NR1H4: variants seen among roughly 807,000 people sequenced by gnomAD.
NR1H4 encodes bile acid receptor.
Under a neutral mutation model 58.5 loss-of-function variants are expected in NR1H4, and 23 were observed. The ratio of observed to expected loss-of-function variants is 0.39; its 90% CI spans 0.28 to 0.56. The LOEUF (loss-of-function observed/expected upper bound fraction) is 0.56. Among genes scored for constraint, NR1H4 ranks in the 20% least tolerant of loss-of-function variants. The pLI is 0.58. For synonymous variants in NR1H4, 214 were observed against 198.0 expected (o/e 1.08, Z -0.68); for missense variants, 487 against 576.9 (o/e 0.84, Z 1.60).
chr12:100,503,495 A>G, intron 3 of NR1H4: 1 of 1,594,124 alleles, frequency 6.3e-7, no homozygotes, highest in Non-Finnish European at 8.5e-7. Context: ...AGCCCGCGAA[A>G]GGTAGGACAC....
rs1954556961 is a variant in NR1H4, at chr12:100,526,335, T to G, written c.446-6123T>G. ...CTCTGTAAACACTGCTTTTGTCACA[T>G]CCCATAAATTTTGATAAATTGTATT... On this transcript the variant is annotated intron_variant, in intron 4 of 10. Coordinates refer to ENST00000392986, the MANE Select transcript of NR1H4 (RefSeq NM_001206979.2). Among the ~76,000 whole-genome samples, 3 of 152,178 alleles carry G rather than the reference T, an allele frequency of 2.0e-5. No homozygotes were observed. The South Asian group carries it at 6.2e-4, about 32-fold the overall frequency.
chr12:100,516,926 G>A (rs998518627), intron 4 of NR1H4, among the ~76,000 whole-genome samples: 2 of 151,974 alleles, frequency 1.3e-5, no homozygotes, highest in African/African-American at 4.8e-5. Flanking sequence ...CATAATAATT[G>A]TACATGTTTA....
intron 1 of NR1H4, among the ~76,000 whole-genome samples, chr12:100,480,690 A>G (rs1953360465): frequency 6.6e-6 from 1 of 152,150 alleles, no homozygotes; most frequent in South Asian, 2.1e-4. Flanking sequence ...TGATTTCTAT[A>G]CCAGTCATTT....
intron 4 of NR1H4, among the ~76,000 whole-genome samples, chr12:100,518,944 T>C (rs1234460976): frequency 6.6e-6 from 1 of 151,986 alleles, no homozygotes; most frequent in Admixed American, 6.6e-5. Context: ...CCAGCCACCA[T>C]GCCCAGCTAA....
At chr12:100,561,660 A>G (rs1955477692) in intron 9 of NR1H4, among the ~76,000 whole-genome samples, 1 of 152,236 alleles carries the variant, frequency 6.6e-6, no homozygotes. Flanking sequence ...AAAATTAGAC[A>G]TACACTCATT....
At chr12:100,490,395 G>C (rs1953581473) in intron 1 of NR1H4, among the ~76,000 whole-genome samples, 1 of 152,196 alleles carries the variant, frequency 6.6e-6, no homozygotes, top group Non-Finnish European at 1.5e-5. Context: ...CCTGAAGTCA[G>C]AGTCACAGAG....
At chr12:100,495,522 G>C (rs1239206666) in intron 3 of NR1H4, among the ~76,000 whole-genome samples, 1 of 152,022 alleles carries the variant, frequency 6.6e-6, no homozygotes, top group African/African-American at 2.4e-5. Context: ...CACGAGGTCA[G>C]GAGATCAAGA....
intron 1 of NR1H4, among the ~76,000 whole-genome samples, chr12:100,476,935 AT>A (rs1189304463): frequency 1.3e-5 from 2 of 152,070 alleles, no homozygotes; most frequent in Non-Finnish European, 2.9e-5. Flanking sequence ...CCTCCCAGGT[AT>A]TTTTTTATTG....
chr12:100,480,024 A>G (rs1356839769), intron 1 of NR1H4, among the ~76,000 whole-genome samples: 1 of 152,152 alleles, frequency 6.6e-6, no homozygotes, highest in Non-Finnish European at 1.5e-5. Context: ...CAGAAATCCT[A>G]TTATTTGTTG....
chr12:100,518,948 C>G (rs1954339338), intron 4 of NR1H4, among the ~76,000 whole-genome samples: 1 of 151,964 alleles, frequency 6.6e-6, no homozygotes, highest in African/African-American at 2.4e-5. Flanking sequence ...CCACCATGCC[C>G]AGCTAATTTT....
intron 8 of NR1H4, among the ~76,000 whole-genome samples, 171 bp from the exon 9 acceptor site, chr12:100,540,501 A>G (rs1268003846): frequency 6.6e-6 from 1 of 152,222 alleles, no homozygotes; most frequent in African/African-American, 2.4e-5. Context: ...AATTCTGCTC[A>G]ATGAAGATAA....
intron 1 of NR1H4, among the ~76,000 whole-genome samples, chr12:100,482,530 G>A (rs906503807): frequency 6.6e-6 from 1 of 152,196 alleles, no homozygotes; most frequent in Non-Finnish European, 1.5e-5. Context: ...GGCTGGCATT[G>A]TGCAAGGCAT....
chr12:100,498,505 G>A lies in NR1H4; in HGVS notation c.79+5103G>A, dbSNP rs544862534. 5.3e-5 allele frequency among the ~76,000 whole-genome samples: 8 copies of A among 152,140 alleles called. No homozygotes were observed. The East Asian group carries it at 1.2e-3, about 22-fold the overall frequency. On this transcript the variant is annotated intron_variant, in intron 3 of 10. Transcript: ENST00000392986. ...TATACAAAATTAGCTGGGCGTGGTG[G>A]CACGTGCCTGTAATCCCAGCTACTC...
Position 100,517,497 on chromosome 12 carries a change from G to A in NR1H4, c.445+6354G>A, listed in dbSNP as rs1954298170. 2.0e-5 allele frequency among the ~76,000 whole-genome samples: 3 copies of A among 152,226 alleles called. No homozygotes were observed. The South Asian group carries it at 6.2e-4, about 32-fold the overall frequency. On this transcript the variant is annotated intron_variant, in intron 4 of 10. Coordinates refer to ENST00000392986, the MANE Select transcript of NR1H4 (RefSeq NM_001206979.2). The stretch of plus-strand genomic sequence containing the variant: ...GAATAATGCTGCAATAAACATAGGA[G>A]TGCAGATATCTCTTTGACATACTGA...
At chr12:100,554,693 T>C (rs1278845957) in intron 9 of NR1H4, among the ~76,000 whole-genome samples, 2 of 152,120 alleles carry the variant, frequency 1.3e-5, no homozygotes, top group Non-Finnish European at 2.9e-5. Context: ...AGTTAGAAAA[T>C]AGCCCCCCCT....
At chr12:100,487,351 A>G (rs530966666) in intron 1 of NR1H4, among the ~76,000 whole-genome samples, 6 of 152,246 alleles carry the variant, frequency 3.9e-5, no homozygotes, top group Non-Finnish European at 8.8e-5. Flanking sequence ...AAATTTTAAT[A>G]ACTTTTCAGA....
chr12:100,488,093 C>T (rs577784580), intron 1 of NR1H4, among the ~76,000 whole-genome samples: 1 of 152,148 alleles, frequency 6.6e-6, no homozygotes, highest in South Asian at 2.1e-4. Context: ...TTCTGCCTCC[C>T]GAGTTCAAGT....
intron 9 of NR1H4, 33 bp from the exon 10 acceptor site, chr12:100,561,852 A>T (rs1324801802): frequency 1.1e-6 from 1 of 909,992 alleles, no homozygotes; most frequent in Admixed American, 1.7e-5. Flanking sequence ...AGTCACTCAA[A>T]AATTGTATTA....
intron 4 of NR1H4, among the ~76,000 whole-genome samples, chr12:100,522,574 T>G (rs1406371515): frequency 6.6e-6 from 1 of 152,076 alleles, no homozygotes; most frequent in Non-Finnish European, 1.5e-5. Context: ...CAATAGCTTT[T>G]GGGGGTACAG....
Sources: gnomAD v4.1 joint callset for allele counts (sites outside exome capture counted in the v4.1 genomes callset) on GRCh38, gnomAD v4.1.1 for gene constraint, MANE v1.5 for transcripts, NCBI Gene and HGNC (gene_info 2026-07-23, HGNC 2026-07-21) for gene names.